Variants in CERS6 observed in about 807,000 individuals in gnomAD.
CERS6 encodes ceramide synthase 6.
Under a neutral mutation model 56.8 loss-of-function variants are expected in CERS6, and 26 were observed. The observed-to-expected ratio is 0.46, with a 90% CI of 0.34 to 0.63. The LOEUF (loss-of-function observed/expected upper bound fraction) is 0.63. Ranked by LOEUF, CERS6 falls within the 30% of genes least tolerant of loss-of-function variation. The pLI, the probability that CERS6 is intolerant of heterozygous loss-of-function variation, is 0.01. For synonymous variants in CERS6, 164 were observed against 173.3 expected, an observed-to-expected ratio of 0.95 and a Z score of 0.42; for missense variants, 415 against 467.5, an observed-to-expected ratio of 0.89 and a Z score of 1.04.
intron 2 of CERS6, among the ~76,000 whole-genome samples, chr2:168,555,722 C>CTCTGTGTGTGTGTGTG (rs1261403157): frequency 4.3e-5 from 6 of 140,920 alleles, no homozygotes; most frequent in East Asian, 4.1e-4. Flanking sequence ...ATAATTGACT[C>CTCTGTGTGTGTGTGTG]TGTGTGTGTG....
At chr2:168,728,387 C>CTTTTT (rs397872513) in intron 8 of CERS6, among the ~76,000 whole-genome samples, 1 of 97,556 alleles carries the variant, frequency 1.0e-5, no homozygotes, top group Non-Finnish European at 2.0e-5. Flanking sequence ...TGCAACTACT[C>CTTTTT]TTTTTTTTTT....
chr2:168,763,115 A>G (rs192855574), intron 8 of CERS6, among the ~76,000 whole-genome samples: 26 of 152,202 alleles, frequency 1.7e-4, no homozygotes, highest in African/African-American at 5.8e-4. Context: ...GGCTCAAGCA[A>G]TCCTCCTACC....
chr2:168,663,087 T>G (rs1214516972), intron 4 of CERS6, among the ~76,000 whole-genome samples: 1 of 152,222 alleles, frequency 6.6e-6, no homozygotes, highest in African/African-American at 2.4e-5. Flanking sequence ...AGGTTTATGT[T>G]GTTTTGCATT....
At chr2:168,603,990 T>G (rs1402862702) in intron 3 of CERS6, among the ~76,000 whole-genome samples, 1 of 152,212 alleles carries the variant, frequency 6.6e-6, no homozygotes, top group South Asian at 2.1e-4. Context: ...AATAAAAATT[T>G]TTGGTTTACT....
At chr2:168,630,920 A>G (rs1011285410) in intron 3 of CERS6, 65 bp from the exon 4 acceptor site, 4 of 707,586 alleles carry the variant, frequency 5.7e-6, no homozygotes, top group African/African-American at 5.5e-5. Context: ...CCTCCCTTAC[A>G]TATTTCAGTA....
intron 2 of CERS6, among the ~76,000 whole-genome samples, chr2:168,559,368 A>G (rs1408480187): frequency 2.0e-5 from 3 of 152,152 alleles, no homozygotes; most frequent in African/African-American, 7.2e-5. Flanking sequence ...GGCTTAAACA[A>G]CAAATATTTA....
In CERS6 at chr2:168,456,724, C is replaced by T; in HGVS notation, c.170+106C>T. The T allele has an allele frequency of 1.8e-6, 2 of 1,087,096 alleles. No individual in the cohort carries two copies. The highest frequency in any genetic ancestry group is 2.7e-6 in the Non-Finnish European group (2 of 748,980). 67.3% of individuals were successfully genotyped at this position (1,087,096 alleles called of 1,614,324 possible). A position where few individuals can be genotyped will look rare whatever the true frequency, so the allele number is the denominator to read the frequency against. ...CCCCCGCGCCCCCAACGCTCGCGTTCACGCCTCCCAACCTTTGTGTTCGGG... is the reference window on the plus strand; with the variant it reads ...CCCCCGCGCCCCCAACGCTCGCGTTTACGCCTCCCAACCTTTGTGTTCGGG... On this transcript the variant is annotated intron_variant, in intron 1 of 9. Coordinates refer to ENST00000305747, the MANE Select transcript of CERS6 (RefSeq NM_203463.3). This position sits in a 1 kb window ranked among gnomAD's most constrained non-coding sequence, Gnocchi z 4.1.
At chr2:168,535,256 G>A (rs1015600615) in intron 1 of CERS6, among the ~76,000 whole-genome samples, 3 of 152,230 alleles carry the variant, frequency 2.0e-5, no homozygotes, top group African/African-American at 7.2e-5. Flanking sequence ...TGGGAGCTCA[G>A]TAGTCTTAAG....
chr2:168,585,901 AG>A (rs745976787), intron 3 of CERS6, among the ~76,000 whole-genome samples: 4 of 152,168 alleles, frequency 2.6e-5, no homozygotes, highest in Non-Finnish European at 4.4e-5. Context: ...TTGCACAACT[AG>A]GGAGGGAAAT....
At chr2:168,555,720 C>CTG (rs1390257061) in intron 2 of CERS6, among the ~76,000 whole-genome samples, 2 of 76,874 alleles carry the variant, frequency 2.6e-5, no homozygotes, top group Admixed American at 1.5e-4. Flanking sequence ...GTATAATTGA[C>CTG]TCTGTGTGTG....
At chr2:168,573,971 G>T (rs1683185327) in intron 3 of CERS6, among the ~76,000 whole-genome samples, 1 of 152,174 alleles carries the variant, frequency 6.6e-6, no homozygotes. Context: ...AGCACTAGTT[G>T]ATAGGTCCAA....
At chr2:168,651,850 C>T (rs1452958208) in intron 4 of CERS6, among the ~76,000 whole-genome samples, 1 of 152,196 alleles carries the variant, frequency 6.6e-6, no homozygotes, top group Admixed American at 6.5e-5. Context: ...GCCCTCATCA[C>T]TTTTTCCAAC....
intron 1 of CERS6, among the ~76,000 whole-genome samples, chr2:168,530,119 C>T (rs894551236): frequency 3.3e-5 from 5 of 152,110 alleles, no homozygotes; most frequent in African/African-American, 9.7e-5. Flanking sequence ...GTAAGAGTGC[C>T]GAGGGGTATG....
intron 3 of CERS6, among the ~76,000 whole-genome samples, chr2:168,598,372 A>G (rs1162002016): frequency 6.6e-6 from 1 of 152,168 alleles, no homozygotes; most frequent in Non-Finnish European, 1.5e-5. Context: ...TATACGTGGC[A>G]TAGTAATTAA....
chr2:168,595,313 A>G (rs964343487), intron 3 of CERS6, among the ~76,000 whole-genome samples: 1 of 152,170 alleles, frequency 6.6e-6, no homozygotes, highest in East Asian at 1.9e-4. Context: ...TTGGGAGAAT[A>G]TTTTCAGTCT....
chr2:168,681,186 C>A (rs773871102), intron 4 of CERS6, among the ~76,000 whole-genome samples: 3 of 152,186 alleles, frequency 2.0e-5, no homozygotes, highest in Non-Finnish European at 4.4e-5. Flanking sequence ...AAGGTGAGAG[C>A]AAGTTGGGTG....
intron 1 of CERS6, among the ~76,000 whole-genome samples, chr2:168,464,211 T>TGTGA (rs938428488): frequency 8.1e-5 from 12 of 149,058 alleles, no homozygotes; most frequent in East Asian, 3.9e-4. Context: ...TGTGTGTGTG[T>TGTGA]GACAAGGGTC....
intron 8 of CERS6, among the ~76,000 whole-genome samples, chr2:168,750,502 C>A (rs987089717): frequency 6.6e-6 from 1 of 152,152 alleles, no homozygotes; most frequent in African/African-American, 2.4e-5. Context: ...GTAAGATCAT[C>A]CTGCACATAC....
intron 3 of CERS6, among the ~76,000 whole-genome samples, chr2:168,615,496 T>A (rs1236798488): frequency 6.6e-6 from 1 of 151,658 alleles, no homozygotes; most frequent in Non-Finnish European, 1.5e-5. Context: ...GGAAGAAATC[T>A]TTAGTGAAAT....
Sources: gnomAD v4.1 joint callset for allele counts (sites outside exome capture counted in the v4.1 genomes callset) on GRCh38, gnomAD v4.1.1 for gene constraint, Gnocchi (gnomAD v3.1) non-coding constraint, MANE v1.5 for transcripts, NCBI Gene and HGNC (gene_info 2026-07-23, HGNC 2026-07-21) for gene names.